DEPDC4: variants seen among roughly 807,000 people sequenced by gnomAD.
DEPDC4 encodes the protein DEP domain containing 4, also known as DEP domain-containing protein 4.
A neutral mutation model predicts 52.0 loss-of-function variants in DEPDC4; 52 were observed. The observed-to-expected ratio is 1.00, with a 90% CI of 0.80 to 1.26. The LOEUF (loss-of-function observed/expected upper bound fraction) is 1.26. Among genes scored for constraint, DEPDC4 ranks in the 50% most tolerant of loss-of-function variants. The pLI, the probability that DEPDC4 is intolerant of heterozygous loss-of-function variation, is 0.00. For synonymous variants in DEPDC4, 201 were observed against 196.8 expected, an observed-to-expected ratio of 1.02 and a Z score of -0.18; for missense variants, 530 against 546.9, an observed-to-expected ratio of 0.97 and a Z score of 0.31.
chr12:100,244,618 T>A (rs12305965), intron 8 of DEPDC4, among the ~76,000 whole-genome samples: 3,733 of 151,760 alleles, frequency 0.025, 113 homozygotes, highest in African/African-American at 0.071. Context: ...ATATTTTGCC[T>A]GGCTAGTTTT....
downstream of DEPDC4, among the ~76,000 whole-genome samples, chr12:100,237,590 C>T (rs1044254821): frequency 1.3e-5 from 2 of 152,090 alleles, no homozygotes; most frequent in African/African-American, 2.4e-5. Context: ...ACTTCAGAGC[C>T]CATATTCCTG....
At chr12:100,236,377 T>A (rs191064406), downstream of DEPDC4, among the ~76,000 whole-genome samples, 1 of 152,326 alleles carries the variant, frequency 6.6e-6, no homozygotes, top group East Asian at 1.9e-4. Context: ...TTTTCTATTA[T>A]GACCATTCTG....
At chr12:100,255,476 C>T (rs1397517694) in intron 4 of DEPDC4, among the ~76,000 whole-genome samples, 1 of 152,170 alleles carries the variant, frequency 6.6e-6, no homozygotes, top group Non-Finnish European at 1.5e-5. Context: ...GGAGGAAGCA[C>T]TATATCAGTT....
chr12:100,244,177 GGTTTGTTT>G (rs1186786881), intron 8 of DEPDC4, among the ~76,000 whole-genome samples: 2 of 130,726 alleles, frequency 1.5e-5, no homozygotes, highest in Non-Finnish European at 3.2e-5. Flanking sequence ...ATGGTTTTTT[GGTTTGTTT>G]GTTTGTTTGT....
At chr12:100,244,372 A>G (rs1036986782) in intron 8 of DEPDC4, among the ~76,000 whole-genome samples, 1 of 151,060 alleles carries the variant, frequency 6.6e-6, no homozygotes, top group Admixed American at 6.6e-5. Flanking sequence ...TAGTAGAGAC[A>G]GGGTTTCACT....
chr12:100,262,207 TA>T, intron 3 of DEPDC4, 56 bp downstream of exon 3: 2 of 1,546,474 alleles, frequency 1.3e-6, no homozygotes. Context: ...AAGAACCTGT[TA>T]AAAAGAAGTT....
chr12:100,261,809 T>G (rs1375005678), intron 3 of DEPDC4: 1 of 455,524 alleles, frequency 2.2e-6, no homozygotes, highest in African/African-American at 2.0e-5. Flanking sequence ...ACTAATACAC[T>G]ACTTAAATCA....
chr12:100,266,839 G>A, intron 1 of DEPDC4, 81 bp downstream of exon 1: 3 of 1,513,702 alleles, frequency 2.0e-6, no homozygotes, highest in South Asian at 1.3e-5. Flanking sequence ...GGACCAATGA[G>A]GAGCAGAGTC....
chr12:100,249,792 G>T (rs564588912), intron 7 of DEPDC4, among the ~76,000 whole-genome samples: 22 of 152,272 alleles, frequency 1.4e-4, no homozygotes, highest in African/African-American at 4.8e-4. Context: ...AACGTTATGT[G>T]CCAGGTACTG....
intron 8 of DEPDC4, among the ~76,000 whole-genome samples, chr12:100,245,895 C>A (rs1486666026): frequency 1.3e-5 from 2 of 152,034 alleles, no homozygotes; most frequent in African/African-American, 4.8e-5. Flanking sequence ...ACCTATCAAT[C>A]TCTCTAGTTT....
intron 8 of DEPDC4, among the ~76,000 whole-genome samples, chr12:100,244,098 T>C (rs2096173394): frequency 1.1e-4 from 2 of 18,020 alleles, no homozygotes; most frequent in African/African-American, 5.6e-4. Context: ...TCTCTGTGTA[T>C]ATATATATAT....
intron 2 of DEPDC4, 93 bp downstream of exon 2, chr12:100,263,404 T>C (rs2096260729): frequency 1.8e-6 from 2 of 1,102,536 alleles, no homozygotes; most frequent in Non-Finnish European, 2.5e-6. Context: ...TTAATTGGCT[T>C]CTGAAAAAAG....
chr12:100,238,379 C>T (rs537600891), downstream of DEPDC4, among the ~76,000 whole-genome samples: 5 of 151,818 alleles, frequency 3.3e-5, no homozygotes, highest in Admixed American at 2.6e-4. Context: ...AGGCTGGTCT[C>T]GAACTCCTGA....
chr12:100,259,852 T>C (rs2096247533), intron 3 of DEPDC4, among the ~76,000 whole-genome samples: 1 of 152,294 alleles, frequency 6.6e-6, no homozygotes, highest in Middle Eastern at 3.4e-3. Flanking sequence ...GAACAGCTAT[T>C]TGAACGGTTA....
intron 8 of DEPDC4, 42 bp downstream of exon 8, chr12:100,248,858 C>T: frequency 1.2e-6 from 1 of 868,446 alleles, no homozygotes. Context: ...TTGGCAACAA[C>T]AGTCACTTAA....
chr12:100,236,764 T>G (rs1282111964), downstream of DEPDC4, among the ~76,000 whole-genome samples: 1 of 152,220 alleles, frequency 6.6e-6, no homozygotes, highest in Non-Finnish European at 1.5e-5. Context: ...CATAAGCCAA[T>G]GTCTAGAAGA....
At chr12:100,271,355 G>C (rs2096287503), upstream of DEPDC4, among the ~76,000 whole-genome samples, 1 of 150,940 alleles carries the variant, frequency 6.6e-6, no homozygotes, top group Non-Finnish European at 1.5e-5. Context: ...GGGAGTATAA[G>C]CACACGTATT....
At chr12:100,258,670 G>A (rs1331037725) in intron 3 of DEPDC4, among the ~76,000 whole-genome samples, 1 of 149,706 alleles carries the variant, frequency 6.7e-6, no homozygotes, top group African/African-American at 2.5e-5. Context: ...GAAGCTAGAA[G>A]GCAATGGGGA....
the DEPDC4 span, among the ~76,000 whole-genome samples, chr12:100,272,731 G>C: frequency 6.6e-6 from 1 of 151,880 alleles, no homozygotes; most frequent in Non-Finnish European, 1.5e-5. Flanking sequence ...TCTTAGTTTC[G>C]TTCTTTTCTT....
Sources: allele counts gnomAD v4.1 joint callset (sites outside exome capture counted in the v4.1 genomes callset), GRCh38; gene constraint gnomAD v4.1.1; transcripts MANE v1.5; gene names NCBI Gene and HGNC (gene_info 2026-07-23, HGNC 2026-07-21).